Variants in MSI2 observed in about 807,000 individuals in gnomAD.
The protein encoded by MSI2 is RNA-binding protein Musashi homolog 2.
A neutral mutation model predicts 45.6 loss-of-function variants in MSI2; 17 were observed. The ratio of observed to expected loss-of-function variants is 0.37; its 90% confidence interval spans 0.26 to 0.56. MSI2 has a LOEUF of 0.56. Among genes scored for constraint, MSI2 ranks in the 20% least tolerant of loss-of-function variants. The pLI is 0.77. For missense variants in MSI2, 293 were observed against 444.2 expected, an observed-to-expected ratio of 0.66 and a Z score of 3.06; for synonymous variants, 156 against 158.2, an observed-to-expected ratio of 0.99 and a Z score of 0.11.
intron 5 of MSI2, among the ~76,000 whole-genome samples, chr17:57,318,614 T>C (rs1388695684): frequency 1.4e-5 from 2 of 146,556 alleles, no homozygotes; most frequent in African/African-American, 5.1e-5. Flanking sequence ...ACCTTCTGTG[T>C]GAAACCCGGG....
chr17:57,598,498 T>C (rs1905489454), intron 8 of MSI2, among the ~76,000 whole-genome samples: 1 of 152,188 alleles, frequency 6.6e-6, no homozygotes, highest in Admixed American at 6.5e-5. Context: ...GAAAATACTC[T>C]TTTTTTGCGT....
chr17:57,610,332 G>C (rs2144538561), intron 8 of MSI2, among the ~76,000 whole-genome samples: 1 of 152,152 alleles, frequency 6.6e-6, no homozygotes, highest in East Asian at 1.9e-4. Context: ...TGCACCTATA[G>C]TCCCAGCTAC....
intron 5 of MSI2, among the ~76,000 whole-genome samples, chr17:57,379,961 T>C (rs983034549): frequency 2.0e-5 from 3 of 152,220 alleles, no homozygotes; most frequent in Non-Finnish European, 2.9e-5. Flanking sequence ...TTTTCCTTTT[T>C]CTTTTCTGCA....
intron 7 of MSI2, among the ~76,000 whole-genome samples, chr17:57,568,128 G>A (rs2144290727): frequency 6.6e-6 from 1 of 152,302 alleles, no homozygotes. Flanking sequence ...GTGCAGGAGA[G>A]TGGCATGAAG....
intron 6 of MSI2, among the ~76,000 whole-genome samples, chr17:57,490,146 T>C (rs1028416484): frequency 2.0e-5 from 3 of 152,210 alleles, no homozygotes; most frequent in African/African-American, 7.2e-5. Context: ...ATGGGGATCA[T>C]CAAGCCTATC....
At chr17:57,300,476 C>A (rs553984878) in intron 5 of MSI2, among the ~76,000 whole-genome samples, 1 of 152,270 alleles carries the variant, frequency 6.6e-6, no homozygotes, top group Admixed American at 6.5e-5. Flanking sequence ...ATTTTTTCTG[C>A]GTGTACTACA....
Position 57,533,832 on chromosome 17 carries a change from T to C in MSI2, c.454+4108T>C, listed in dbSNP as rs150877312. Among the ~76,000 whole-genome samples the C allele has an allele frequency of 9.7e-3, 1,481 of 152,314 alleles. 17 individuals carry two copies. The highest frequency in any genetic ancestry group is 0.04 in the South Asian group (195 of 4,824). ...GGTGCAGCCCACCCTGTGAGGCTGA[T>C]GTGACCTGGGCTTCCCCTGGGGAAA... On this transcript the variant is annotated intron_variant, in intron 7 of 13. Coordinates refer to ENST00000284073, the MANE Select transcript of MSI2 (RefSeq NM_138962.4).
intron 6 of MSI2, among the ~76,000 whole-genome samples, chr17:57,508,971 G>T (rs2086294467): frequency 6.6e-6 from 1 of 152,160 alleles, no homozygotes; most frequent in Admixed American, 6.5e-5. Flanking sequence ...AATGGTTTCT[G>T]TGGTCCAAGT....
chr17:57,482,092 A>G (rs1196427605), intron 6 of MSI2, among the ~76,000 whole-genome samples: 1 of 152,236 alleles, frequency 6.6e-6, no homozygotes, highest in Admixed American at 6.5e-5. Flanking sequence ...ACCTTCGGCC[A>G]CATGATAAAT....
intron 6 of MSI2, among the ~76,000 whole-genome samples, chr17:57,498,202 A>T (rs1229715264): frequency 1.3e-5 from 2 of 152,268 alleles, no homozygotes; most frequent in African/African-American, 4.8e-5. Flanking sequence ...TAATTAGAAT[A>T]AACATGGTAT....
At chr17:57,460,165 A>G (rs2085198494) in intron 6 of MSI2, among the ~76,000 whole-genome samples, 1 of 150,878 alleles carries the variant, frequency 6.6e-6, no homozygotes, top group African/African-American at 2.4e-5. Flanking sequence ...ATAAATAAAT[A>G]AATAAATAAT....
intron 7 of MSI2, among the ~76,000 whole-genome samples, chr17:57,545,294 G>A (rs1224177512): frequency 1.3e-5 from 2 of 152,178 alleles, no homozygotes; most frequent in Non-Finnish European, 2.9e-5. Context: ...GGTTATCTGC[G>A]CTGAAGATGA....
intron 6 of MSI2, among the ~76,000 whole-genome samples, chr17:57,405,523 C>G (rs190734631): frequency 6.6e-6 from 1 of 152,078 alleles, no homozygotes; most frequent in East Asian, 1.9e-4. Context: ...TAGGCTATAA[C>G]CAAAATAATA....
At chr17:57,375,702 C>G (rs1346373206) in intron 5 of MSI2, among the ~76,000 whole-genome samples, 1 of 152,142 alleles carries the variant, frequency 6.6e-6, no homozygotes, top group African/African-American at 2.4e-5. Context: ...GGCACAGAGG[C>G]CACTCTGAGT....
chr17:57,578,530 C>T (rs1242534901), intron 7 of MSI2, among the ~76,000 whole-genome samples: 1 of 151,776 alleles, frequency 6.6e-6, no homozygotes, highest in Non-Finnish European at 1.5e-5. Flanking sequence ...AAGCTTGGGG[C>T]TAATTGGGAA....
chr17:57,282,990 T>C (rs1909559945), intron 5 of MSI2, among the ~76,000 whole-genome samples: 2 of 152,108 alleles, frequency 1.3e-5, no homozygotes, highest in Admixed American at 1.3e-4. Context: ...AAAATAACCA[T>C]GTTCACCTTT....
Position 57,550,125 on chromosome 17 carries a change from A to G in MSI2, c.454+20401A>G, listed in dbSNP as rs146799173. ...TTTTCTGAGCTAATTAGAAATCTCA[A>G]TAGGATCGAGAATAGCTGCCGAAGA... is the stretch of plus-strand genomic sequence containing the variant. On this transcript the variant is annotated intron_variant, in intron 7 of 13. Coordinates refer to ENST00000284073, the MANE Select transcript of MSI2 (RefSeq NM_138962.4). Among the ~76,000 whole-genome samples, 1,091 of 152,280 alleles carry G rather than the reference A, an allele frequency of 7.2e-3. 13 individuals are homozygous for G. The highest frequency in any genetic ancestry group is 0.01 in the South Asian group (49 of 4,824).
intron 4 of MSI2, 64 bp from the exon 5 acceptor site, chr17:57,262,087 A>G (rs1723521071): frequency 1.3e-6 from 2 of 1,503,874 alleles, no homozygotes; most frequent in Non-Finnish European, 9.3e-7. Flanking sequence ...TAATTAGGTG[A>G]TTAATCATAT....
intron 6 of MSI2, among the ~76,000 whole-genome samples, chr17:57,458,084 C>T (rs2085150449): frequency 6.6e-6 from 1 of 150,722 alleles, no homozygotes; most frequent in Admixed American, 6.6e-5. Flanking sequence ...CTATATTAGC[C>T]TGACATATAT....
Sources: allele counts gnomAD v4.1 joint callset (sites outside exome capture counted in the v4.1 genomes callset), GRCh38; gene constraint gnomAD v4.1.1; transcripts MANE v1.5; gene names NCBI Gene and HGNC (gene_info 2026-07-23, HGNC 2026-07-21).